MGAT4C: variants seen among roughly 807,000 people sequenced by gnomAD.
MGAT4C encodes the protein alpha-1,3-mannosyl-glycoprotein 4-beta-N-acetylglucosaminyltransferase C.
Under a neutral mutation model 40.1 loss-of-function variants are expected in MGAT4C, and 19 were observed. That is an observed-to-expected ratio of 0.47 (90% CI 0.33 to 0.70). The LOEUF (loss-of-function observed/expected upper bound fraction) is 0.70. Ranked by LOEUF, MGAT4C falls within the 30% of genes least tolerant of loss-of-function variation. The pLI is 0.02. For synonymous variants in MGAT4C, 181 were observed against 187.1 expected, an observed-to-expected ratio of 0.97 and a Z score of 0.27; for missense variants, 491 against 563.2, an observed-to-expected ratio of 0.87 and a Z score of 1.30.
Position 86,787,700 on chromosome 12 carries a change from G to A in MGAT4C, c.-262+50966C>T, listed in dbSNP as rs141761334. 8.1e-4 allele frequency among the ~76,000 whole-genome samples: 124 copies of A among 152,200 alleles called. 3 individuals carry two copies. The highest frequency in any genetic ancestry group is 1.8e-3 in the African/African-American group (74 of 41,552). ...AAGGCAAATTAGTGCAACCTCTTTG[G>A]GAAGGAGTATGGAGATTTCTATAAA... On this transcript the variant is annotated intron_variant, in intron 1 of 7. Transcript: ENST00000548651.
At chr12:86,069,721 A>T (rs951206433) in intron 1 of MGAT4C, among the ~76,000 whole-genome samples, 3 of 152,076 alleles carry the variant, frequency 2.0e-5, no homozygotes, top group Non-Finnish European at 4.4e-5. Flanking sequence ...ATGGCTCACT[A>T]AAGTTACTAC....
At chr12:86,264,538 C>A (rs892750812) in intron 4 of MGAT4C, among the ~76,000 whole-genome samples, 4 of 152,144 alleles carry the variant, frequency 2.6e-5, no homozygotes, top group African/African-American at 9.7e-5. Context: ...AAGTCCCGCC[C>A]CCTTCCGAGT....
At chr12:86,115,535 C>T (rs1248362213) in intron 1 of MGAT4C, among the ~76,000 whole-genome samples, 1 of 151,974 alleles carries the variant, frequency 6.6e-6, no homozygotes, top group East Asian at 1.9e-4. Flanking sequence ...TTATAGAGAA[C>T]ATTAACTGTT....
At chr12:86,645,360 AATG>A (rs1328523952) in intron 2 of MGAT4C, among the ~76,000 whole-genome samples, 2 of 151,716 alleles carry the variant, frequency 1.3e-5, no homozygotes, top group African/African-American at 2.4e-5. Flanking sequence ...TTTAATACAA[AATG>A]ATAAGCAACA....
At chr12:86,734,190 G>A (rs1950951770) in intron 1 of MGAT4C, among the ~76,000 whole-genome samples, 1 of 152,028 alleles carries the variant, frequency 6.6e-6, no homozygotes, top group African/African-American at 2.4e-5. Flanking sequence ...AGTTATGAAG[G>A]GAGATTGAAA....
At chr12:86,385,216 C>G (rs2136223357) in intron 3 of MGAT4C, among the ~76,000 whole-genome samples, 1 of 152,190 alleles carries the variant, frequency 6.6e-6, no homozygotes, top group Admixed American at 6.5e-5. Context: ...GACATGCTCT[C>G]ACAAACAAAT....
At chr12:86,312,711 A>G (rs1954110205) in intron 4 of MGAT4C, among the ~76,000 whole-genome samples, 1 of 152,100 alleles carries the variant, frequency 6.6e-6, no homozygotes, top group African/African-American at 2.4e-5. Flanking sequence ...ATTTTAATGC[A>G]CACAGGTTTA....
rs533297022 is a variant in MGAT4C at position 86,768,180 on chromosome 12, A to G, written c.-261-40939T>C. On this transcript the variant is annotated intron_variant, in intron 1 of 7. Transcript: ENST00000548651. The stretch of plus-strand genomic sequence containing the variant: ...CAACTTCAGCAAAGTCTCAGGATAC[A>G]AAATCAATGTACAAAAATCACAAGA... Among the ~76,000 whole-genome samples, 8 of 152,324 alleles carry G rather than the reference A, an allele frequency of 5.3e-5. No individual in the cohort carries two copies. In the South Asian group the frequency reaches 1.7e-3, roughly 32 times the overall value.
intron 2 of MGAT4C, among the ~76,000 whole-genome samples, chr12:86,698,756 G>A (rs745796561): frequency 6.6e-6 from 1 of 151,880 alleles, no homozygotes; most frequent in African/African-American, 2.4e-5. Context: ...TTATTCACTT[G>A]GTTTCATTCT....
chr12:86,072,327 T>C (rs141213746), intron 1 of MGAT4C, among the ~76,000 whole-genome samples: 628 of 152,172 alleles, frequency 4.1e-3, no homozygotes, highest in Non-Finnish European at 5.2e-3. Flanking sequence ...AAATTTTTTT[T>C]GTTAGCTGTT....
chr12:86,287,515 C>T (rs1953383610), intron 4 of MGAT4C, among the ~76,000 whole-genome samples: 1 of 152,140 alleles, frequency 6.6e-6, no homozygotes, highest in Middle Eastern at 3.2e-3. Flanking sequence ...AGCCCCTCCA[C>T]CCCACCACAG....
At chr12:86,461,481 A>C (rs1032080566) in intron 2 of MGAT4C, among the ~76,000 whole-genome samples, 1 of 151,970 alleles carries the variant, frequency 6.6e-6, no homozygotes, top group African/African-American at 2.4e-5. Flanking sequence ...TCCTGACCTC[A>C]TGATCCACCC....
intron 2 of MGAT4C, among the ~76,000 whole-genome samples, chr12:86,564,489 C>T (rs1028753387): frequency 1.9e-4 from 29 of 152,186 alleles, no homozygotes; most frequent in African/African-American, 7.0e-4. Context: ...ACATTGATGG[C>T]ATTATGCTGA....
chr12:86,430,836 G>T (rs994218695), intron 3 of MGAT4C, among the ~76,000 whole-genome samples: 1 of 152,162 alleles, frequency 6.6e-6, no homozygotes, highest in Non-Finnish European at 1.5e-5. Flanking sequence ...GAGGATTTGG[G>T]ACTCTTTGGG....
At chr12:86,158,943 T>C (rs1477324741) in intron 1 of MGAT4C, among the ~76,000 whole-genome samples, 1 of 152,172 alleles carries the variant, frequency 6.6e-6, no homozygotes, top group African/African-American at 2.4e-5. Flanking sequence ...TTAGGCAGAA[T>C]ACAGGATTTT....
At chr12:86,478,568 C>A (rs944115306) in intron 2 of MGAT4C, among the ~76,000 whole-genome samples, 1 of 152,090 alleles carries the variant, frequency 6.6e-6, no homozygotes, top group African/African-American at 2.4e-5. Flanking sequence ...ATTGGTAGTT[C>A]ATCTAAATTT....
intron 1 of MGAT4C, among the ~76,000 whole-genome samples, chr12:86,130,758 A>C (rs1881055074): frequency 6.6e-6 from 1 of 151,996 alleles, no homozygotes; most frequent in Admixed American, 6.5e-5. Context: ...ATTTATTTTA[A>C]ATTTATAAAT....
intron 2 of MGAT4C, among the ~76,000 whole-genome samples, chr12:86,704,590 G>A (rs1403268218): frequency 2.6e-5 from 4 of 151,974 alleles, no homozygotes; most frequent in Admixed American, 2.6e-4. Flanking sequence ...AAAAGTCAAG[G>A]TCTTGAAGCA....
chr12:86,218,616 T>C (rs1437630514), intron 1 of MGAT4C, among the ~76,000 whole-genome samples: 2 of 152,188 alleles, frequency 1.3e-5, no homozygotes, highest in Non-Finnish European at 2.9e-5. Context: ...AATCTTATCA[T>C]ACCATTTAAC....
Sources: gnomAD v4.1 joint callset for allele counts (sites outside exome capture counted in the v4.1 genomes callset) on GRCh38, gnomAD v4.1.1 for gene constraint, MANE v1.5 for transcripts, NCBI Gene and HGNC (gene_info 2026-07-23, HGNC 2026-07-21) for gene names.